TXNDC8: variants seen among roughly 807,000 people sequenced by gnomAD.
The protein encoded by TXNDC8 is thioredoxin domain-containing protein 8.
In TXNDC8, 15 loss-of-function variants were observed where a neutral mutation model predicts 12.9. The ratio of observed to expected loss-of-function variants is 1.16; its 90% CI spans 0.78 to 1.79. The LOEUF is 1.79. Among genes scored for constraint, TXNDC8 ranks in the 40% most tolerant of loss-of-function variants. The pLI, the probability that TXNDC8 is intolerant of heterozygous loss-of-function variation, is 0.00. For missense variants in TXNDC8, 128 were observed against 113.2 expected (o/e 1.13, Z -0.59); for synonymous variants, 40 against 35.4 (o/e 1.13, Z -0.46).
chr9:110,324,450 A>G (rs1169089496), intron 3 of TXNDC8, among the ~76,000 whole-genome samples: 1 of 152,222 alleles, frequency 6.6e-6, no homozygotes. Context: ...AGCATATCCA[A>G]TGTTTTCATT....
intron 2 of TXNDC8, among the ~76,000 whole-genome samples, chr9:110,332,075 G>C (rs116012973): frequency 0.01 from 1,577 of 152,304 alleles, 17 homozygotes; most frequent in African/African-American, 0.036. Context: ...AATCTCCACA[G>C]GTGGGTCTGT....
Position 110,329,139 on chromosome 9 carries a change from A to T in TXNDC8, c.130-2899T>A, listed in dbSNP as rs1031244502. 13 of 1,051,980 alleles carry T rather than the reference A, an allele frequency of 1.2e-5. No homozygotes were observed. In the African/African-American group the frequency reaches 2.1e-4, roughly 17 times the overall value. The allele number at this position is 1,051,980 out of a possible 1,614,324, so 65.2% of individuals were successfully genotyped here. Reference sequence around the variant, plus strand: ...AATGTAAAATTCTAGTTGATTTTAAATTGGTCATGTATTAATAATTACTGA... The same window carrying T: ...AATGTAAAATTCTAGTTGATTTTAATTTGGTCATGTATTAATAATTACTGA... On this transcript the variant is annotated intron_variant, in intron 2 of 4. Transcript: ENST00000423740.
chr9:110,335,586 A>T (rs2118885076), intron 1 of TXNDC8, among the ~76,000 whole-genome samples: 1 of 152,336 alleles, frequency 6.6e-6, no homozygotes, highest in East Asian at 1.9e-4. Context: ...CAAATGAGAA[A>T]AGTGAAGTTC....
intron 2 of TXNDC8, among the ~76,000 whole-genome samples, chr9:110,330,749 A>G (rs1839514646): frequency 6.6e-6 from 1 of 152,234 alleles, no homozygotes; most frequent in Non-Finnish European, 1.5e-5. Flanking sequence ...ATTTTGCACT[A>G]CAGCAGCAAA....
chr9:110,328,942 C>T (rs767362318), intron 2 of TXNDC8, among the ~76,000 whole-genome samples: 21 of 152,176 alleles, frequency 1.4e-4, no homozygotes, highest in Non-Finnish European at 2.5e-4. Flanking sequence ...AGGCAGAACG[C>T]AGAGCAAGTG....
At chr9:110,313,918 T>A (rs911851053) in intron 3 of TXNDC8, among the ~76,000 whole-genome samples, 1 of 152,146 alleles carries the variant, frequency 6.6e-6, no homozygotes, top group African/African-American at 2.4e-5. Context: ...AGAGATCAGA[T>A]GAAACCTGAG....
Position 110,334,115 on chromosome 9 carries a change from G to A in TXNDC8, c.129+101C>T, listed in dbSNP as rs1216729650. On this transcript the variant is annotated intron_variant, in intron 2 of 4. Coordinates refer to ENST00000423740, the MANE Select transcript of TXNDC8 (RefSeq NM_001286946.2). ...GGTGCTTCAAAAATCTATGGCTCCA[G>A]AATGGCTCATAATTGCCAAACTTTT... The A allele has an allele frequency of 7.7e-6, 7 of 911,214 alleles. No individual in the cohort carries two copies. The African/African-American group carries it at 1.2e-4, about 16-fold the overall frequency. 56.4% of individuals were successfully genotyped at this position (911,214 alleles called of 1,614,324 possible).
intron 3 of TXNDC8, among the ~76,000 whole-genome samples, chr9:110,313,019 C>T (rs1183230494): frequency 6.6e-6 from 1 of 152,124 alleles, no homozygotes; most frequent in African/African-American, 2.4e-5. Context: ...GATTCTCCTG[C>T]CTCAGCCTCC....
At chr9:110,330,493 A>G (rs1453733537) in intron 2 of TXNDC8, among the ~76,000 whole-genome samples, 2 of 152,188 alleles carry the variant, frequency 1.3e-5, no homozygotes, top group Admixed American at 6.5e-5. Context: ...TGCCACTTCC[A>G]TTGCACACTA....
chr9:110,305,817 C>T (rs1388192360), intron 3 of TXNDC8, among the ~76,000 whole-genome samples: 3 of 119,304 alleles, frequency 2.5e-5, no homozygotes, highest in Admixed American at 9.3e-5. Context: ...CTTTCCTTTC[C>T]TTTCCTTTCC....
chr9:110,311,829 CTATA>C (rs1012681745), intron 3 of TXNDC8, among the ~76,000 whole-genome samples: 6 of 143,268 alleles, frequency 4.2e-5, no homozygotes, highest in African/African-American at 1.5e-4. Context: ...ATACTATATA[CTATA>C]TATATACTAT....
chr9:110,308,638 T>C (rs898212292), intron 3 of TXNDC8, among the ~76,000 whole-genome samples: 5 of 152,062 alleles, frequency 3.3e-5, no homozygotes, highest in Non-Finnish European at 7.4e-5. Context: ...CAGAAAACCA[T>C]GCACTTGGTT....
chr9:110,315,184 G>T (rs142839459), intron 3 of TXNDC8, among the ~76,000 whole-genome samples: 4 of 151,864 alleles, frequency 2.6e-5, no homozygotes, highest in Non-Finnish European at 4.4e-5. Flanking sequence ...TGCAACCTCC[G>T]CCTGCTGGGT....
chr9:110,325,497 T>C (rs1003875039), intron 3 of TXNDC8, among the ~76,000 whole-genome samples: 9 of 151,336 alleles, frequency 5.9e-5, no homozygotes, highest in Admixed American at 4.0e-4. Flanking sequence ...TCAAGTATTG[T>C]TTAAACTTGT....
At chr9:110,325,480 C>T (rs1029394218) in intron 3 of TXNDC8, among the ~76,000 whole-genome samples, 2 of 150,188 alleles carry the variant, frequency 1.3e-5, no homozygotes, top group African/African-American at 4.9e-5. Flanking sequence ...TTTTGGTTAG[C>T]ATTTCCTCAA....
At chr9:110,302,704 C>T (rs73526751), downstream of TXNDC8, among the ~76,000 whole-genome samples, 2,194 of 150,474 alleles carry the variant, frequency 0.015, 58 homozygotes, top group African/African-American at 0.05. Context: ...TGTGTGTGTA[C>T]ACGTCTGTGT....
At chr9:110,337,456 C>T (rs1839801336) in intron 1 of TXNDC8, among the ~76,000 whole-genome samples, 1 of 152,192 alleles carries the variant, frequency 6.6e-6, no homozygotes, top group South Asian at 2.1e-4. Context: ...ATTTTCCAAG[C>T]ACAACTGAGG....
intron 2 of TXNDC8, 79 bp downstream of exon 2, chr9:110,334,137 T>C: frequency 7.7e-7 from 1 of 1,306,882 alleles, no homozygotes; most frequent in Non-Finnish European, 1.1e-6. Flanking sequence ...ATTGCCAAAC[T>C]TTTAAGAATT....
rs928003182 is a variant in TXNDC8, at chr9:110,315,952, C to T, written c.195+10223G>A. ...TTGCTCTGTCACTGAGGCTGGAGTG[C>T]GGTGGTATGATCTTGGCTCACTGCA... On this transcript the variant is annotated intron_variant, in intron 3 of 4. Transcript: ENST00000423740. 4.6e-5 allele frequency among the ~76,000 whole-genome samples: 7 copies of T among 151,710 alleles called. No individual in the cohort carries two copies. In the East Asian group the frequency reaches 5.8e-4, roughly 13 times the overall value.
Sources: gnomAD v4.1 joint callset for allele counts (sites outside exome capture counted in the v4.1 genomes callset) on GRCh38, gnomAD v4.1.1 for gene constraint, MANE v1.5 for transcripts, NCBI Gene and HGNC (gene_info 2026-07-23, HGNC 2026-07-21) for gene names.